The following SLC26A1 variants were observed in gnomAD, a reference collection of about 807,000 sequenced individuals.
SLC26A1 encodes sulfate anion transporter 1.
SLC26A1 carries 18 observed loss-of-function variants against 14.5 expected under a neutral mutation model. The ratio of observed to expected loss-of-function variants is 1.24; its 90% CI spans 0.86 to 1.84. The LOEUF is 1.84. SLC26A1 is among the 40% of genes most tolerant of loss of function. The probability of loss-of-function intolerance (pLI) is 0.00; values close to 1 mark genes in which losing one functional copy is unlikely to be tolerated. For missense variants in SLC26A1, 1,049 were observed against 1,020.0 expected, an observed-to-expected ratio of 1.03 and a Z score of -0.39; for synonymous variants, 505 against 492.0, an observed-to-expected ratio of 1.03 and a Z score of -0.35.
In SLC26A1 at chr4:991,594, C is replaced by T. The variant is rs1246404384; in HGVS notation, c.110G>A (p.Cys37Tyr). The change falls in exon 2 of 3, where the codon TGC becomes TAC. Residue 37 changes from cysteine to tyrosine, a missense_variant. Cys to Tyr is a radical substitution (Grantham distance 194). Transcript: ENST00000398516. ...LREMLKARLWCSCSCSVLCVR... is the reference protein window; with the variant it reads ...LREMLKARLWYSCSCSVLCVR... ...GCACAGCACACTGCACGAGCAGCTG[C>T]ACCACAGCCTGGCCTTCAGCATCTC... The T allele has an allele frequency of 6.9e-6, 11 of 1,597,172 alleles. No individual in the cohort carries two copies. The highest frequency in any genetic ancestry group is 1.7e-5 in the Admixed American group (1 of 59,602).
chr4:992,532 G>A (rs966164351), intron 1 of SLC26A1, among the ~76,000 whole-genome samples: 1 of 152,254 alleles, frequency 6.6e-6, no homozygotes, highest in Non-Finnish European at 1.5e-5. Context: ...GGCCAGCTGG[G>A]AGGGGAGGAG....
chr4:981,909 T>C (rs568325670), intron 2 of SLC26A1, among the ~76,000 whole-genome samples: 2 of 152,094 alleles, frequency 1.3e-5, no homozygotes, highest in East Asian at 1.9e-4. Context: ...TCGGTGCACT[T>C]CCCGGGTTCA....
intron 2 of SLC26A1, among the ~76,000 whole-genome samples, chr4:980,947 G>A (rs1713520376): frequency 6.6e-6 from 1 of 152,074 alleles, no homozygotes; most frequent in Non-Finnish European, 1.5e-5. Flanking sequence ...AAAAATAACG[G>A]GTGCCTCACG....
In SLC26A1 at chr4:988,293, C is replaced by T. The variant is rs1490224539; in HGVS notation, c.*540G>A. On this transcript the variant is annotated 3_prime_UTR_variant, in exon 3 of 3. Transcript: ENST00000398516. Reference sequence around the variant, plus strand: ...GGCTGAGCTGAGGTCTCATCGGTCACAGCACCCTGGGCCCTGACGCTGGTG... The same window carrying T: ...GGCTGAGCTGAGGTCTCATCGGTCATAGCACCCTGGGCCCTGACGCTGGTG... 1.7e-6 allele frequency: 2 copies of T among 1,148,990 alleles called. No individual in the cohort carries two copies. Among genetic ancestry groups the T allele is most frequent in the Non-Finnish European group, 2.2e-6 (2 of 929,852 alleles). 71.2% of individuals were successfully genotyped at this position (1,148,990 alleles called of 1,614,324 possible).
chr4:983,907 CT>C (rs1201142306), downstream of SLC26A1, among the ~76,000 whole-genome samples: 1 of 152,232 alleles, frequency 6.6e-6, no homozygotes, highest in Non-Finnish European at 1.5e-5. Context: ...TCACTGCAGC[CT>C]CTGCCTCCCA....
chr4:987,119 C>T (rs1009685278), downstream of SLC26A1: 8 of 1,438,174 alleles, frequency 5.6e-6, no homozygotes, highest in African/African-American at 8.9e-5. Flanking sequence ...GCGCTGCTGG[C>T]GCTCCTGGCC....
rs1234965974 is a variant in SLC26A1 at position 988,793 on chromosome 4, C to G, written c.*40G>C. The G allele has an allele frequency of 1.3e-6, 2 of 1,500,322 alleles. No individual in the cohort carries two copies. The highest frequency in any genetic ancestry group is 1.8e-6 in the Non-Finnish European group (2 of 1,123,624). The allele number at this position is 1,500,322 out of a possible 1,614,324, so 92.9% of individuals were successfully genotyped here. On this transcript the variant is annotated 3_prime_UTR_variant, in exon 3 of 3. Transcript: ENST00000398516. ...GGCTTGCAGACGTCTGCTGTGGGTCCCCAGGAGGGAGCAGAGGCTGCTGGG... is the reference window on the plus strand; with the variant it reads ...GGCTTGCAGACGTCTGCTGTGGGTCGCCAGGAGGGAGCAGAGGCTGCTGGG...
chr4:987,649 T>C (rs1257480716), downstream of SLC26A1: 24 of 1,455,526 alleles, frequency 1.6e-5, no homozygotes, highest in Non-Finnish European at 2.0e-5. Flanking sequence ...AGATGGGACC[T>C]CCCCACATTC....
At chr4:992,331 C>T (rs994907543) in intron 1 of SLC26A1, 2 of 400,944 alleles carry the variant, frequency 5.0e-6, no homozygotes, top group Non-Finnish European at 1.0e-5. Context: ...CCACCCACCC[C>T]TCTGTCACCT....
At chr4:983,665 G>A (rs1210192807), downstream of SLC26A1, among the ~76,000 whole-genome samples, 1 of 152,202 alleles carries the variant, frequency 6.6e-6, no homozygotes, top group Non-Finnish European at 1.5e-5. Context: ...AAGCTGCTGT[G>A]TCACATAAAA....
At chr4:986,407 A>G (rs1366451074), downstream of SLC26A1, among the ~76,000 whole-genome samples, 1 of 152,222 alleles carries the variant, frequency 6.6e-6, no homozygotes, top group Non-Finnish European at 1.5e-5. Context: ...CACATTACCT[A>G]CGCACATCCT....
At chr4:985,567 T>C (rs146706275), downstream of SLC26A1, among the ~76,000 whole-genome samples, 171 of 152,344 alleles carry the variant, frequency 1.1e-3, 2 homozygotes, top group African/African-American at 3.8e-3. Flanking sequence ...TTTTAGTTGT[T>C]TTCTCTGGGG....
chr4:982,204 G>A (rs1167691057), intron 2 of SLC26A1, among the ~76,000 whole-genome samples: 2 of 152,210 alleles, frequency 1.3e-5, no homozygotes, highest in Non-Finnish European at 2.9e-5. Context: ...CTGAGCCTCT[G>A]GCCTCATCCC....
At chr4:980,324 G>C (rs548058624) in intron 2 of SLC26A1, among the ~76,000 whole-genome samples, 1 of 152,202 alleles carries the variant, frequency 6.6e-6, no homozygotes, top group Non-Finnish European at 1.5e-5. Context: ...GGTGGCTCAC[G>C]CCTATAATCC....
At position 988,457 on chromosome 4, in the gene SLC26A1, TG is replaced by T; in HGVS notation, c.*375del. 1 of 1,102,066 alleles carries T rather than the reference TG, an allele frequency of 9.1e-7. No homozygotes were observed. Among genetic ancestry groups the T allele is most frequent in the Non-Finnish European group, 1.1e-6 (1 of 903,132 alleles). The allele number at this position is 1,102,066 out of a possible 1,614,324, so 68.3% of individuals were successfully genotyped here. On this transcript the variant is annotated 3_prime_UTR_variant, in exon 3 of 3. Transcript: ENST00000398516. Reference sequence around the variant, plus strand: ...CAGCAGGGTGGGCACCGGGCAGGCCTGGGCATAGGGAGTCCTCTTGGCACCT... The same window carrying T: ...CAGCAGGGTGGGCACCGGGCAGGCCTGGCATAGGGAGTCCTCTTGGCACCT...
rs776428106 is a variant in SLC26A1, at chr4:991,590, G to C, written c.114C>G (p.Ser38Arg). 1 of 1,598,126 alleles carries C rather than the reference G, an allele frequency of 6.3e-7. No homozygotes were observed. The highest frequency in any genetic ancestry group is 2.2e-5 in the East Asian group (1 of 44,800). Residue 38 changes from serine (S) to arginine (R), a missense_variant, in exon 2 of 3, where the codon AGC becomes AGG. Transcript: ENST00000398516. ...REMLKARLWC[S>R]CSCSVLCVRA... ...GGACGCACAGCACACTGCACGAGCA[G>C]CTGCACCACAGCCTGGCCTTCAGCA...
Position 987,677 on chromosome 4 carries a change from T to A in SLC26A1, c.*1156A>T. ...CCACATTCCTGGCCCTAAGGGTCAT[T>A]TTATTAGTCACTGAACGCACGGGCA... On this transcript the variant is annotated 3_prime_UTR_variant, in exon 3 of 3. Transcript: ENST00000398516. The A allele has an allele frequency of 6.7e-7, 1 of 1,499,808 alleles. No homozygotes were observed. The highest frequency in any genetic ancestry group is 2.5e-5 in the East Asian group (1 of 40,464). 92.9% of individuals were successfully genotyped at this position (1,499,808 alleles called of 1,614,324 possible). A position where few individuals can be genotyped will look rare whatever the true frequency, so the allele number is the denominator to read the frequency against.
At chr4:987,521 G>A (rs1259838797), downstream of SLC26A1, 3 of 929,396 alleles carry the variant, frequency 3.2e-6, no homozygotes, top group South Asian at 1.8e-5. Flanking sequence ...CCTGCAGCGG[G>A]ACCTGGCCTG....
At chr4:985,797 G>A (rs1315372563), downstream of SLC26A1, among the ~76,000 whole-genome samples, 3 of 152,080 alleles carry the variant, frequency 2.0e-5, no homozygotes, top group African/African-American at 4.8e-5. Flanking sequence ...CTAATGTTAA[G>A]CAATATTTTA....
Sources: allele counts gnomAD v4.1 joint callset (sites outside exome capture counted in the v4.1 genomes callset), GRCh38; gene constraint gnomAD v4.1.1; transcripts MANE v1.5; gene names NCBI Gene and HGNC (gene_info 2026-07-23, HGNC 2026-07-21).